Variants in AFG2A observed in about 807,000 individuals in gnomAD.
The protein encoded by AFG2A is AAA ATPase AFG2A.
chr4:123,283,631 C>T, the AFG2A span, among the ~76,000 whole-genome samples: 7 of 152,016 alleles, frequency 4.6e-5, no homozygotes, highest in Non-Finnish European at 7.4e-5. Flanking sequence ...TTTGTGAAGC[C>T]CACAAGCTAA....
the AFG2A span, among the ~76,000 whole-genome samples, chr4:122,993,216 C>T: frequency 6.6e-6 from 1 of 151,920 alleles, no homozygotes; most frequent in Admixed American, 6.6e-5. Flanking sequence ...TGGTCTCGAA[C>T]TCCTGACCTC....
At chr4:123,275,827 G>GT in the AFG2A span, among the ~76,000 whole-genome samples, 1 of 152,020 alleles carries the variant, frequency 6.6e-6, no homozygotes, top group Non-Finnish European at 1.5e-5. Flanking sequence ...ACATGATCTT[G>GT]TTTTTTATGG....
chr4:123,098,738 T>C, the AFG2A span, among the ~76,000 whole-genome samples: 2 of 152,144 alleles, frequency 1.3e-5, no homozygotes, highest in Non-Finnish European at 2.9e-5. Flanking sequence ...TCTGTATACA[T>C]ACCACATTTT....
chr4:123,173,938 A>G, the AFG2A span, among the ~76,000 whole-genome samples: 9 of 152,136 alleles, frequency 5.9e-5, no homozygotes, highest in Non-Finnish European at 1.2e-4. Context: ...AGCAAGACAA[A>G]TATATATTCT....
the AFG2A span, among the ~76,000 whole-genome samples, chr4:123,020,026 G>A: frequency 1.3e-5 from 2 of 152,112 alleles, no homozygotes; most frequent in Non-Finnish European, 2.9e-5. Flanking sequence ...CCCTGACAAC[G>A]TTGGGCACCC....
chr4:123,128,531 A>C, the AFG2A span, among the ~76,000 whole-genome samples: 7 of 152,088 alleles, frequency 4.6e-5, no homozygotes, highest in African/African-American at 1.4e-4. Flanking sequence ...TTAGAACACA[A>C]ATTTTTTTTA....
chr4:123,023,124 A>G, the AFG2A span, among the ~76,000 whole-genome samples: 122,371 of 150,160 alleles, frequency 0.81, 51,458 homozygotes, highest in East Asian at 0.95. Flanking sequence ...AGCATGGCAC[A>G]TGTATACATA....
chr4:123,214,339 T>A, the AFG2A span, among the ~76,000 whole-genome samples: 4 of 152,124 alleles, frequency 2.6e-5, no homozygotes. Flanking sequence ...CTACTTTTAA[T>A]GCCCTCAGTT....
chr4:123,266,074 GAC>G, the AFG2A span, among the ~76,000 whole-genome samples: 1 of 151,998 alleles, frequency 6.6e-6, no homozygotes, highest in South Asian at 2.1e-4. Flanking sequence ...TTCTGATAGT[GAC>G]AGTTATTTTT....
At chr4:123,297,033 A>G in the AFG2A span, among the ~76,000 whole-genome samples, 3 of 152,216 alleles carry the variant, frequency 2.0e-5, no homozygotes, top group Non-Finnish European at 2.9e-5. Context: ...TGTAGGGACT[A>G]TCTTCAAATA....
the AFG2A span, chr4:122,923,440 G>A: frequency 8.6e-7 from 1 of 1,163,118 alleles, no homozygotes; most frequent in Non-Finnish European, 1.2e-6. Context: ...GCACAGAAGC[G>A]TGTAAGACTT....
the AFG2A span, among the ~76,000 whole-genome samples, chr4:123,247,507 C>T: frequency 1.3e-5 from 2 of 152,082 alleles, no homozygotes; most frequent in Non-Finnish European, 2.9e-5. Context: ...TAGGCCTCAA[C>T]CTCCTGGGCT....
chr4:122,953,302 AG>A, the AFG2A span, among the ~76,000 whole-genome samples: 1 of 152,228 alleles, frequency 6.6e-6, no homozygotes, highest in African/African-American at 2.4e-5. Flanking sequence ...TTTTGGTGGC[AG>A]TCTCTCAACT....
chr4:123,129,879 A>G, the AFG2A span, among the ~76,000 whole-genome samples: 2 of 151,904 alleles, frequency 1.3e-5, no homozygotes, highest in South Asian at 2.1e-4. Context: ...TAAATTATAT[A>G]TATAATTATA....
chr4:123,229,630 T>G, the AFG2A span, among the ~76,000 whole-genome samples: 1 of 151,992 alleles, frequency 6.6e-6, no homozygotes, highest in Non-Finnish European at 1.5e-5. Context: ...TTGGCAATTT[T>G]GGATGTAGGA....
At chr4:123,094,582 A>G in the AFG2A span, among the ~76,000 whole-genome samples, 1 of 152,014 alleles carries the variant, frequency 6.6e-6, no homozygotes, top group Non-Finnish European at 1.5e-5. Context: ...TCTAAGGCAA[A>G]ACACTCTAGT....
chr4:122,998,164 T>G, the AFG2A span, among the ~76,000 whole-genome samples: 1 of 152,126 alleles, frequency 6.6e-6, no homozygotes, highest in Admixed American at 6.6e-5. Flanking sequence ...AAGTCCAGTA[T>G]CTTTTTGTTG....
At chr4:123,122,831 A>G in the AFG2A span, among the ~76,000 whole-genome samples, 5 of 150,136 alleles carry the variant, frequency 3.3e-5, no homozygotes, top group African/African-American at 4.9e-5. Flanking sequence ...TTGGAAATCC[A>G]CATCTGCTCT....
At chr4:123,059,408 G>T in the AFG2A span, among the ~76,000 whole-genome samples, 2 of 150,024 alleles carry the variant, frequency 1.3e-5, no homozygotes, top group African/African-American at 2.5e-5. Context: ...GCAGTGTTTG[G>T]TTTTTTGTTC....
Sources: allele counts gnomAD v4.1 joint callset (sites outside exome capture counted in the v4.1 genomes callset), GRCh38; gene constraint gnomAD v4.1.1; transcripts MANE v1.5; gene names NCBI Gene and HGNC (gene_info 2026-07-23, HGNC 2026-07-21).